Variants in LIMCH1 observed in about 807,000 individuals in gnomAD.
LIMCH1 encodes the protein LIM and calponin homology domains 1.
A neutral mutation model predicts 176.5 loss-of-function variants in LIMCH1; 113 were observed. The ratio of observed to expected loss-of-function variants is 0.64; its 90% confidence interval spans 0.55 to 0.75. LIMCH1 has a LOEUF of 0.75. LIMCH1 is among the 30% of genes least tolerant of loss of function. The pLI is 0.00. For missense variants in LIMCH1, 1,674 were observed against 1,814.9 expected, an observed-to-expected ratio of 0.92 and a Z score of 1.41; for synonymous variants, 619 against 645.9, an observed-to-expected ratio of 0.96 and a Z score of 0.63.
At chr4:41,443,891 G>C (rs4508934) in intron 1 of LIMCH1, among the ~76,000 whole-genome samples, 19,448 of 152,128 alleles carry the variant, frequency 0.13, 3,732 homozygotes, top group African/African-American at 0.41. Flanking sequence ...CTATATTGCT[G>C]ACTTTGTCTT....
intron 1 of LIMCH1, among the ~76,000 whole-genome samples, chr4:41,566,377 A>G (rs571875368): frequency 6.6e-6 from 1 of 152,176 alleles, no homozygotes; most frequent in Non-Finnish European, 1.5e-5. Flanking sequence ...TATTTCTTAG[A>G]TAATAGGACT....
At chr4:41,686,935 T>C (rs752905542) in intron 28 of LIMCH1, among the ~76,000 whole-genome samples, 15 of 152,214 alleles carry the variant, frequency 9.9e-5, no homozygotes, top group Non-Finnish European at 1.8e-4. Flanking sequence ...TTGTTATTGA[T>C]TATTGCAGTG....
chr4:41,686,034 A>T (rs1212970214), intron 28 of LIMCH1, among the ~76,000 whole-genome samples: 3 of 152,216 alleles, frequency 2.0e-5, no homozygotes, highest in African/African-American at 7.2e-5. Flanking sequence ...CTCTGAATTT[A>T]TCAAGTTGTA....
At chr4:41,367,866 T>TAAAAAAAA (rs750045066) in intron 1 of LIMCH1, among the ~76,000 whole-genome samples, 3 of 90,946 alleles carry the variant, frequency 3.3e-5, no homozygotes, top group Non-Finnish European at 6.9e-5. Flanking sequence ...GACTCCATCA[T>TAAAAAAAA]AAAAAAAAAA....
intron 1 of LIMCH1, among the ~76,000 whole-genome samples, chr4:41,464,887 T>C (rs2065904062): frequency 6.6e-6 from 1 of 152,224 alleles, no homozygotes; most frequent in Non-Finnish European, 1.5e-5. Flanking sequence ...CAAATATTTG[T>C]TGAATCAGTG....
At chr4:41,530,590 T>A (rs927637708) in intron 3 of LIMCH1, among the ~76,000 whole-genome samples, 2 of 152,006 alleles carry the variant, frequency 1.3e-5, no homozygotes, top group Non-Finnish European at 2.9e-5. Context: ...GCAGATCACC[T>A]GAGGTCAGGA....
intron 1 of LIMCH1, among the ~76,000 whole-genome samples, chr4:41,451,316 G>A (rs1184022596): frequency 6.6e-6 from 1 of 151,490 alleles, no homozygotes; most frequent in Non-Finnish European, 1.5e-5. Flanking sequence ...GGTAGAGACA[G>A]GTTTTCTCCA....
chr4:41,388,541 G>A (rs1377181991), intron 1 of LIMCH1, among the ~76,000 whole-genome samples: 1 of 152,224 alleles, frequency 6.6e-6, no homozygotes, highest in East Asian at 1.9e-4. Flanking sequence ...AGTCTAAAAC[G>A]CATTTGTAGT....
intron 2 of LIMCH1, among the ~76,000 whole-genome samples, chr4:41,512,912 T>C (rs188884531): frequency 5.9e-5 from 9 of 152,334 alleles, no homozygotes; most frequent in African/African-American, 2.2e-4. Context: ...GTATCTCAAG[T>C]CATTAAAACA....
intron 1 of LIMCH1, among the ~76,000 whole-genome samples, chr4:41,391,528 G>C (rs1581426165): frequency 6.6e-6 from 1 of 152,220 alleles, no homozygotes; most frequent in African/African-American, 2.4e-5. Context: ...CTTTACAGTG[G>C]AGAAATCTGG....
chr4:41,465,473 C>T (rs1213847339), intron 1 of LIMCH1, among the ~76,000 whole-genome samples: 1 of 152,352 alleles, frequency 6.6e-6, no homozygotes, highest in East Asian at 1.9e-4. Flanking sequence ...GCTACCTCTT[C>T]TCCTCCAGTG....
chr4:41,662,967 T>C lies in LIMCH1; in HGVS notation c.3274T>C (p.Leu1092=), dbSNP rs951660196. 15 of 1,613,234 alleles carry C rather than the reference T, an allele frequency of 9.3e-6. No individual in the cohort carries two copies. The highest frequency in any genetic ancestry group is 2.7e-5 in the African/African-American group (2 of 74,702). ...PENEMSGKVE[L]VLSQKVVKPK... ...AAATGAAATGAGTGGAAAGGTGGAGTTGGTGCTGTCACAAAAGGTGAAGTG... is the reference window on the plus strand; with the variant it reads ...AAATGAAATGAGTGGAAAGGTGGAGCTGGTGCTGTCACAAAAGGTGAAGTG... The change falls in exon 20 of 32, where the codon TTG becomes CTG. Residue 1092 remains leucine (L), a synonymous_variant. Coordinates refer to ENST00000503057, the MANE Select transcript of LIMCH1 (RefSeq NM_001330672.2).
At chr4:41,526,580 C>G (rs1051960053) in intron 3 of LIMCH1, among the ~76,000 whole-genome samples, 1 of 152,088 alleles carries the variant, frequency 6.6e-6, no homozygotes, top group South Asian at 2.1e-4. Context: ...GCCTGTGCCT[C>G]CCTCTCTATG....
At chr4:41,668,078 T>C (rs7660013) in intron 21 of LIMCH1, among the ~76,000 whole-genome samples, 87,278 of 152,026 alleles carry the variant, frequency 0.57, 26,282 homozygotes, top group African/African-American at 0.73. Flanking sequence ...ACAGACTTTC[T>C]CCAGTGTGTT....
At chr4:41,377,059 A>G (rs1427775201) in intron 1 of LIMCH1, among the ~76,000 whole-genome samples, 1 of 152,212 alleles carries the variant, frequency 6.6e-6, no homozygotes, top group Non-Finnish European at 1.5e-5. Flanking sequence ...TAAGACTTTC[A>G]GATGTATGTA....
chr4:41,582,511 C>T (rs535223139), intron 1 of LIMCH1, among the ~76,000 whole-genome samples: 8 of 152,244 alleles, frequency 5.3e-5, no homozygotes, highest in South Asian at 2.1e-4. Flanking sequence ...CTGGAGGCAA[C>T]GCAGTGTAGT....
intron 2 of LIMCH1, among the ~76,000 whole-genome samples, chr4:41,520,465 G>A (rs1396261215): frequency 4.6e-5 from 7 of 151,956 alleles, no homozygotes; most frequent in African/African-American, 4.8e-5. Context: ...GTACTACTGC[G>A]TGGCCTACTT....
chr4:41,665,405 C>T (rs978112297), intron 20 of LIMCH1, among the ~76,000 whole-genome samples: 2 of 152,184 alleles, frequency 1.3e-5, no homozygotes, highest in East Asian at 1.9e-4. Context: ...GTAGCACCAA[C>T]GTTCATTTGG....
At chr4:41,418,851 G>T (rs1268231438) in intron 1 of LIMCH1, 1 of 152,158 alleles carries the variant, frequency 6.6e-6, no homozygotes, top group Non-Finnish European at 1.5e-5. Flanking sequence ...ACAGTATGAA[G>T]ATGAACAAAC....
Sources: allele counts gnomAD v4.1 joint callset (sites outside exome capture counted in the v4.1 genomes callset), GRCh38; gene constraint gnomAD v4.1.1; transcripts MANE v1.5; gene names NCBI Gene and HGNC (gene_info 2026-07-23, HGNC 2026-07-21).